The following RBM26 variants were observed in gnomAD, a reference collection of about 807,000 sequenced individuals.
RBM26 encodes the protein RNA binding motif protein 26.
RBM26 carries 30 observed loss-of-function variants against 123.6 expected under a neutral mutation model. The ratio of observed to expected loss-of-function variants is 0.24; its 90% confidence interval spans 0.18 to 0.33. RBM26 has a LOEUF of 0.33. Among genes scored for constraint, RBM26 ranks in the 10% least tolerant of loss-of-function variants. RBM26 has a pLI of 1.00. For missense variants in RBM26, 947 were observed against 1,203.6 expected (o/e 0.79, Z 3.15); for synonymous variants, 400 against 404.4 (o/e 0.99, Z 0.13).
At chr13:79,338,148 G>A (rs887495571) in intron 18 of RBM26, among the ~76,000 whole-genome samples, 3 of 152,128 alleles carry the variant, frequency 2.0e-5, no homozygotes, top group Non-Finnish European at 4.4e-5. Context: ...GGAGGCAGAG[G>A]TTGCAGCGAG....
chr13:79,395,681 T>C (rs539032900), intron 1 of RBM26, among the ~76,000 whole-genome samples: 2 of 152,018 alleles, frequency 1.3e-5, no homozygotes, highest in South Asian at 4.2e-4. Flanking sequence ...GGAGGTCCAG[T>C]CCGCAATGAG....
At chr13:79,342,457 T>A (rs1192034299) in intron 17 of RBM26, among the ~76,000 whole-genome samples, 1 of 151,868 alleles carries the variant, frequency 6.6e-6, no homozygotes, top group Non-Finnish European at 1.5e-5. Flanking sequence ...ATTTTTCTAA[T>A]TAGTGACTTT....
intron 5 of RBM26, among the ~76,000 whole-genome samples, chr13:79,370,168 T>A (rs143395747): frequency 0.018 from 2,740 of 151,886 alleles, 89 homozygotes; most frequent in African/African-American, 0.063. Context: ...ATACAAAAAT[T>A]AGCCGAGCAT....
chr13:79,394,764 G>C (rs1054389838), intron 1 of RBM26, among the ~76,000 whole-genome samples: 1 of 152,164 alleles, frequency 6.6e-6, no homozygotes, highest in African/African-American at 2.4e-5. Flanking sequence ...CTCCTGAGTA[G>C]CTGGGATTAC....
At chr13:79,386,588 CT>C (rs2077504301) in intron 1 of RBM26, among the ~76,000 whole-genome samples, 1 of 19,710 alleles carries the variant, frequency 5.1e-5, no homozygotes, top group Non-Finnish European at 1.5e-4. Context: ...AGAACTCTCT[CT>C]TTAAAAAAAA....
intron 1 of RBM26, among the ~76,000 whole-genome samples, chr13:79,399,975 G>A (rs2078925504): frequency 6.6e-6 from 1 of 152,160 alleles, no homozygotes; most frequent in South Asian, 2.1e-4. Context: ...AGACTGTGAA[G>A]AGTGGTTAAG....
At chr13:79,389,043 T>C (rs2077718452) in intron 1 of RBM26, among the ~76,000 whole-genome samples, 1 of 152,212 alleles carries the variant, frequency 6.6e-6, no homozygotes, top group East Asian at 1.9e-4. Flanking sequence ...TTTAAGATTT[T>C]ATAAATTTTT....
intron 18 of RBM26, among the ~76,000 whole-genome samples, chr13:79,338,005 G>A (rs1481538117): frequency 1.3e-5 from 2 of 152,096 alleles, no homozygotes; most frequent in Non-Finnish European, 2.9e-5. Context: ...ATCAACTGAG[G>A]CCAAAAGTTC....
At chr13:79,363,937 T>C (rs910688627) in intron 9 of RBM26, among the ~76,000 whole-genome samples, 1 of 152,120 alleles carries the variant, frequency 6.6e-6, no homozygotes, top group Non-Finnish European at 1.5e-5. Flanking sequence ...AAGCAAGGAA[T>C]ATTGGTATGA....
chr13:79,366,148 G>C lies in RBM26; in HGVS notation c.1183C>G (p.Pro395Ala), dbSNP rs1296030075. 41 of 1,613,704 alleles carry C rather than the reference G, an allele frequency of 2.5e-5. No individual in the cohort carries two copies. The highest frequency in any genetic ancestry group is 3.2e-5 in the Non-Finnish European group (38 of 1,179,768). Residue 395 changes from proline to alanine, a missense_variant, in exon 8 of 22, where the codon CCT becomes GCT. Coordinates refer to ENST00000438737, the MANE Select transcript of RBM26 (RefSeq NM_001366735.2). ...PPLQPSGMDAPPNSATSSVPT... is the reference protein window; with the variant it reads ...PPLQPSGMDAAPNSATSSVPT... ...ACAGAACTGGTTGCAGAGTTTGGAG[G>C]AGCATCCATGCCAGATGGCTGCAAA...
At chr13:79,396,219 ACGACCTAGG>A (rs2078547501) in intron 1 of RBM26, among the ~76,000 whole-genome samples, 1 of 92,868 alleles carries the variant, frequency 1.1e-5, no homozygotes, top group Non-Finnish European at 2.2e-5. Flanking sequence ...TGTAAAACCA[ACGACCTAGG>A]TTCCACTTTA....
intron 11 of RBM26, among the ~76,000 whole-genome samples, chr13:79,356,189 C>T (rs1438296728): frequency 6.6e-6 from 1 of 151,970 alleles, no homozygotes; most frequent in African/African-American, 2.4e-5. Context: ...ATATTAAGAC[C>T]CCACTGGTAC....
chr13:79,394,214 C>CCATA (rs1252765716), intron 1 of RBM26, among the ~76,000 whole-genome samples: 2 of 152,194 alleles, frequency 1.3e-5, no homozygotes, highest in Non-Finnish European at 2.9e-5. Context: ...TTACGACTTA[C>CCATA]CATATGCTTT....
chr13:79,400,778 A>G (rs755299224), intron 1 of RBM26, among the ~76,000 whole-genome samples: 2 of 152,226 alleles, frequency 1.3e-5, no homozygotes, highest in Non-Finnish European at 2.9e-5. Flanking sequence ...CAAAAAATAT[A>G]AAACTTCAGG....
intron 21 of RBM26, among the ~76,000 whole-genome samples, chr13:79,321,663 C>T (rs2067682183): frequency 6.6e-6 from 1 of 151,286 alleles, no homozygotes; most frequent in African/African-American, 2.4e-5. Flanking sequence ...TAAAATACCT[C>T]TCAATTATAT....
intron 1 of RBM26, among the ~76,000 whole-genome samples, chr13:79,391,204 T>C (rs923733859): frequency 6.6e-6 from 1 of 152,340 alleles, no homozygotes; most frequent in African/African-American, 2.4e-5. Context: ...ACAGTATGAT[T>C]TGTAGCACGC....
intron 3 of RBM26, among the ~76,000 whole-genome samples, chr13:79,374,867 T>C (rs1237737241): frequency 6.6e-6 from 1 of 151,634 alleles, no homozygotes; most frequent in African/African-American, 2.4e-5. Context: ...TCTCCCACAA[T>C]TGGTTGAAAA....
At chr13:79,374,505 A>C (rs1047814381) in intron 3 of RBM26, among the ~76,000 whole-genome samples, 1 of 152,120 alleles carries the variant, frequency 6.6e-6, no homozygotes, top group Non-Finnish European at 1.5e-5. Context: ...AACAAAAAAA[A>C]GTGTGCCACT....
intron 16 of RBM26, 127 bp downstream of exon 16, chr13:79,344,121 C>T: frequency 1.4e-6 from 1 of 713,100 alleles, no homozygotes; most frequent in Non-Finnish European, 2.6e-6. Flanking sequence ...CCAATATTAT[C>T]ACTGACAAAT....
Sources: allele counts gnomAD v4.1 joint callset (sites outside exome capture counted in the v4.1 genomes callset), GRCh38; gene constraint gnomAD v4.1.1; transcripts MANE v1.5; gene names NCBI Gene and HGNC (gene_info 2026-07-23, HGNC 2026-07-21).